The following NDUFAF2 variants were observed in gnomAD, a reference collection of about 807,000 sequenced individuals.
The protein encoded by NDUFAF2 is NADH:ubiquinone oxidoreductase complex assembly factor 2.
Under a neutral mutation model 22.8 loss-of-function variants are expected in NDUFAF2, and 13 were observed. The observed-to-expected ratio is 0.57, with a 90% confidence interval of 0.37 to 0.91. The LOEUF is 0.91. Ranked by LOEUF, NDUFAF2 falls within the 40% of genes least tolerant of loss-of-function variation. The pLI, the probability that NDUFAF2 is intolerant of heterozygous loss-of-function variation, is 0.01. For synonymous variants in NDUFAF2, 53 were observed against 64.2 expected (o/e 0.83, Z 0.84); for missense variants, 162 against 195.2 (o/e 0.83, Z 1.01).
chr5:60,980,725 A>T (rs899429502), intron 1 of NDUFAF2, among the ~76,000 whole-genome samples: 1 of 152,142 alleles, frequency 6.6e-6, no homozygotes, highest in East Asian at 1.9e-4. Flanking sequence ...GTGAGCTGAG[A>T]TTGCACCACT....
At chr5:61,139,896 T>C (rs1479881236) in intron 3 of NDUFAF2, among the ~76,000 whole-genome samples, 2 of 152,242 alleles carry the variant, frequency 1.3e-5, no homozygotes, top group Admixed American at 1.3e-4. Context: ...AAAAGGCTCC[T>C]GACTCAGCCA....
Position 60,972,609 on chromosome 5 carries a change from A to C in NDUFAF2, c.127+27227A>C, listed in dbSNP as rs550841146. 1.2e-3 allele frequency among the ~76,000 whole-genome samples: 179 copies of C among 152,256 alleles called. 1 individual carries two copies. The highest frequency in any genetic ancestry group is 4.1e-3 in the African/African-American group (172 of 41,554). ...TACCCAGTCTTGGGTATTCCTTCATAGCAGTGTGAGAACAGACTAATACAG... is the reference window on the plus strand; with the variant it reads ...TACCCAGTCTTGGGTATTCCTTCATCGCAGTGTGAGAACAGACTAATACAG... On this transcript the variant is annotated intron_variant, in intron 1 of 3. Transcript: ENST00000296597.
At chr5:60,986,937 C>CAAAAAAAAAAAAAAAAAAAA (rs200015156) in intron 1 of NDUFAF2, among the ~76,000 whole-genome samples, 1 of 73,478 alleles carries the variant, frequency 1.4e-5, no homozygotes, top group African/African-American at 4.3e-5. Context: ...TCTTTTGTCT[C>CAAAAAAAAAAAAAAAAAAAA]AAAAAAAAAA....
At chr5:60,956,320 C>T (rs529834569) in intron 1 of NDUFAF2, among the ~76,000 whole-genome samples, 3 of 152,180 alleles carry the variant, frequency 2.0e-5, no homozygotes, top group Admixed American at 6.6e-5. Flanking sequence ...TGGCTTCTTC[C>T]GCTCTAATTT....
At chr5:61,085,407 G>A (rs1752493746) in intron 2 of NDUFAF2, among the ~76,000 whole-genome samples, 2 of 152,070 alleles carry the variant, frequency 1.3e-5, no homozygotes, top group Admixed American at 1.3e-4. Flanking sequence ...CTGATAAAGG[G>A]CATTAAGGGG....
At chr5:60,952,401 C>G (rs1001803221) in intron 1 of NDUFAF2, among the ~76,000 whole-genome samples, 5 of 151,976 alleles carry the variant, frequency 3.3e-5, no homozygotes, top group African/African-American at 1.2e-4. Context: ...TTAAAATTTT[C>G]ATGTAACGAA....
intron 3 of NDUFAF2, among the ~76,000 whole-genome samples, chr5:61,104,495 A>G (rs1752739051): frequency 6.6e-6 from 1 of 152,094 alleles, no homozygotes; most frequent in Non-Finnish European, 1.5e-5. Context: ...TCTAGAAACG[A>G]ATAGAGAATG....
At chr5:61,127,548 T>C (rs7721096) in intron 3 of NDUFAF2, among the ~76,000 whole-genome samples, 77,992 of 151,936 alleles carry the variant, frequency 0.51, 21,485 homozygotes, top group East Asian at 0.91. Flanking sequence ...ATTATCTCAA[T>C]AGATGCAGAA....
intron 3 of NDUFAF2, among the ~76,000 whole-genome samples, chr5:61,100,663 A>G (rs145128574): frequency 1.3e-5 from 2 of 152,092 alleles, no homozygotes; most frequent in Admixed American, 1.3e-4. Flanking sequence ...AACTTTCTCT[A>G]CCACAGAACC....
In NDUFAF2 at chr5:61,143,271, G is replaced by A. The variant is rs556369392; in HGVS notation, c.259-9433G>A. ...ATTTCACTTATAATCTACATAAATCGTTTTGTAGTCTATGAAAAACATTTT... is the reference window on the plus strand; with the variant it reads ...ATTTCACTTATAATCTACATAAATCATTTTGTAGTCTATGAAAAACATTTT... On this transcript the variant is annotated intron_variant, in intron 3 of 3. Transcript: ENST00000296597. Among the ~76,000 whole-genome samples the A allele has an allele frequency of 6.6e-5, 10 of 151,908 alleles. No individual in the cohort carries two copies. The East Asian group carries it at 1.2e-3, about 18-fold the overall frequency.
At chr5:61,061,345 G>A (rs941292211) in intron 1 of NDUFAF2, among the ~76,000 whole-genome samples, 6 of 151,782 alleles carry the variant, frequency 4.0e-5, no homozygotes, top group East Asian at 1.9e-4. Flanking sequence ...CCCTTTTATC[G>A]CTCCAATTTT....
chr5:61,005,225 A>G (rs1307524750), intron 1 of NDUFAF2, among the ~76,000 whole-genome samples: 1 of 152,136 alleles, frequency 6.6e-6, no homozygotes, highest in South Asian at 2.1e-4. Flanking sequence ...GCTTAGAATG[A>G]TGGTTTCTAG....
chr5:61,002,226 C>T (rs1024741303), intron 1 of NDUFAF2, among the ~76,000 whole-genome samples: 1 of 152,096 alleles, frequency 6.6e-6, no homozygotes, highest in Non-Finnish European at 1.5e-5. Flanking sequence ...TTTCAGTTAC[C>T]TATTCTGTGA....
chr5:61,065,036 C>T (rs1002361084), intron 1 of NDUFAF2, among the ~76,000 whole-genome samples: 1 of 151,508 alleles, frequency 6.6e-6, no homozygotes, highest in African/African-American at 2.4e-5. Context: ...TAGCAGATGC[C>T]TCAGAAATAA....
intron 1 of NDUFAF2, among the ~76,000 whole-genome samples, chr5:60,986,895 G>A (rs1182799051): frequency 6.8e-6 from 1 of 147,392 alleles, no homozygotes; most frequent in Non-Finnish European, 1.5e-5. Context: ...TTATGCCATT[G>A]CACTCTAGCC....
intron 1 of NDUFAF2, among the ~76,000 whole-genome samples, chr5:61,046,814 A>G (rs1377145813): frequency 6.6e-6 from 1 of 152,194 alleles, no homozygotes; most frequent in Non-Finnish European, 1.5e-5. Flanking sequence ...ACATAATGAT[A>G]TTCTCTACTG....
intron 1 of NDUFAF2, among the ~76,000 whole-genome samples, chr5:61,031,974 C>A (rs1413012520): frequency 2.0e-5 from 3 of 152,174 alleles, no homozygotes; most frequent in Non-Finnish European, 4.4e-5. Flanking sequence ...CTCTAATGAC[C>A]AGTGATGATG....
chr5:61,063,507 A>T (rs1271426529), intron 1 of NDUFAF2, among the ~76,000 whole-genome samples: 1 of 152,032 alleles, frequency 6.6e-6, no homozygotes, highest in Admixed American at 6.6e-5. Flanking sequence ...CTGTCTCAAA[A>T]CAAACAAACA....
chr5:60,960,652 A>C (rs546284079), intron 1 of NDUFAF2, among the ~76,000 whole-genome samples: 1 of 152,314 alleles, frequency 6.6e-6, no homozygotes, highest in Admixed American at 6.5e-5. Flanking sequence ...TATCTTCAGA[A>C]CTATATGTCA....
Sources: allele counts gnomAD v4.1 joint callset (sites outside exome capture counted in the v4.1 genomes callset), GRCh38; gene constraint gnomAD v4.1.1; transcripts MANE v1.5; gene names NCBI Gene and HGNC (gene_info 2026-07-23, HGNC 2026-07-21).